The following ATAD2B variants were observed in gnomAD, a reference collection of about 807,000 sequenced individuals.
ATAD2B encodes ATPase family AAA domain containing 2B, also known as ATPase family AAA domain-containing protein 2B.
In ATAD2B, 40 loss-of-function variants were observed where a neutral mutation model predicts 167.6. That is an observed-to-expected ratio of 0.24 (90% CI 0.19 to 0.31). The LOEUF is 0.31. Ranked by LOEUF, ATAD2B falls within the 10% of genes least tolerant of loss-of-function variation. The pLI, the probability that ATAD2B is intolerant of heterozygous loss-of-function variation, is 1.00. For synonymous variants in ATAD2B, 579 were observed against 596.5 expected, an observed-to-expected ratio of 0.97 and a Z score of 0.43; for missense variants, 1,242 against 1,757.2, an observed-to-expected ratio of 0.71 and a Z score of 5.24.
chr2:23,766,487 AGTTATTATGGCTCATT>A (rs1558501856), intron 22 of ATAD2B, among the ~76,000 whole-genome samples: 1 of 152,218 alleles, frequency 6.6e-6, no homozygotes, highest in Non-Finnish European at 1.5e-5. Context: ...CTGATTTGAA[AGTTATTATGGCTCATT>A]GTGGTAATCT....
the ATAD2B span, among the ~76,000 whole-genome samples, chr2:23,708,875 T>C: frequency 6.6e-6 from 1 of 152,196 alleles, no homozygotes; most frequent in Admixed American, 6.5e-5. Context: ...CTTATTACAC[T>C]TGTGCAACTG....
chr2:23,696,317 C>T, the ATAD2B span: 1 of 1,551,014 alleles, frequency 6.4e-7, no homozygotes, highest in South Asian at 1.2e-5. The surrounding 1 kb of genome is among the most constrained non-coding windows in gnomAD (Gnocchi z 5.5). Context: ...CTCTCTGCCT[C>T]CCACACTGCC....
intron 4 of ATAD2B, among the ~76,000 whole-genome samples, chr2:23,886,704 G>A (rs1206586594): frequency 6.6e-6 from 1 of 152,102 alleles, no homozygotes; most frequent in African/African-American, 2.4e-5. Flanking sequence ...GGCAGAGGCA[G>A]GCGGATCACG....
At chr2:23,920,003 T>C (rs1007397538) in intron 1 of ATAD2B, among the ~76,000 whole-genome samples, 2 of 151,662 alleles carry the variant, frequency 1.3e-5, no homozygotes, top group Non-Finnish European at 2.9e-5. Flanking sequence ...ATACAAAAAT[T>C]AGCCAGACGT....
At chr2:23,719,492 A>T in the ATAD2B span, among the ~76,000 whole-genome samples, 1 of 152,120 alleles carries the variant, frequency 6.6e-6, no homozygotes, top group South Asian at 2.1e-4. Context: ...AAACAAATAT[A>T]CAGTGCCAAG....
intron 16 of ATAD2B, among the ~76,000 whole-genome samples, chr2:23,820,123 C>G (rs184552296): frequency 6.1e-4 from 93 of 151,940 alleles, no homozygotes; most frequent in Non-Finnish European, 1.0e-3. Flanking sequence ...GAAGAACTCA[C>G]TGACTGGCTT....
intron 20 of ATAD2B, 35 bp downstream of exon 20, chr2:23,788,477 C>G: frequency 6.2e-7 from 1 of 1,602,504 alleles, no homozygotes; most frequent in Non-Finnish European, 8.5e-7. Flanking sequence ...TTAACTCCAT[C>G]CCTCCCATTT....
chr2:23,812,118 T>C (rs987638106), intron 17 of ATAD2B, among the ~76,000 whole-genome samples: 1 of 151,760 alleles, frequency 6.6e-6, no homozygotes, highest in Admixed American at 6.6e-5. Flanking sequence ...ATGGAACTAA[T>C]AGAAAGCAAA....
chr2:23,777,352 A>ATCTATG (rs1369957534), intron 22 of ATAD2B, among the ~76,000 whole-genome samples: 3 of 148,448 alleles, frequency 2.0e-5, no homozygotes, highest in African/African-American at 7.4e-5. Flanking sequence ...ATACTGATAT[A>ATCTATG]TCTATATCTA....
chr2:23,822,711 T>G (rs1332551461), intron 16 of ATAD2B, among the ~76,000 whole-genome samples: 1 of 150,786 alleles, frequency 6.6e-6, no homozygotes, highest in Non-Finnish European at 1.5e-5. Context: ...AGGTCAGAAG[T>G]TGGAAACCAG....
intron 8 of ATAD2B, among the ~76,000 whole-genome samples, chr2:23,874,143 C>T (rs1460782589): frequency 2.6e-5 from 4 of 151,510 alleles, no homozygotes; most frequent in South Asian, 2.1e-4. Context: ...GCCGAGATCA[C>T]GTCACTGCAC....
intron 15 of ATAD2B, among the ~76,000 whole-genome samples, chr2:23,824,283 G>GA (rs1687913272): frequency 6.6e-6 from 1 of 152,004 alleles, no homozygotes; most frequent in Non-Finnish European, 1.5e-5. Context: ...ACTTTCTTTA[G>GA]AAAAAAGTTT....
intron 22 of ATAD2B, among the ~76,000 whole-genome samples, chr2:23,772,292 T>G (rs1203216984): frequency 3.9e-5 from 6 of 152,182 alleles, no homozygotes. Flanking sequence ...GGATGTGCCT[T>G]AATTTTTCAA....
intron 25 of ATAD2B, among the ~76,000 whole-genome samples, chr2:23,755,533 T>TA (rs1675849709): frequency 1.3e-5 from 2 of 152,076 alleles, no homozygotes; most frequent in African/African-American, 4.8e-5. Context: ...GGACTACTCT[T>TA]AAGAGGAGGA....
intron 24 of ATAD2B, among the ~76,000 whole-genome samples, chr2:23,760,733 T>C (rs533600415): frequency 0.026 from 3,280 of 124,878 alleles, 42 homozygotes; most frequent in Non-Finnish European, 0.038. Flanking sequence ...CACACACATA[T>C]ACACACACAC....
intron 14 of ATAD2B, among the ~76,000 whole-genome samples, chr2:23,831,788 T>C (rs1689114901): frequency 6.6e-6 from 1 of 152,236 alleles, no homozygotes; most frequent in South Asian, 2.1e-4. Flanking sequence ...TTTTTGCCTA[T>C]TGAGGACATC....
intron 2 of ATAD2B, among the ~76,000 whole-genome samples, chr2:23,893,652 T>TA (rs1214283502): frequency 2.9e-3 from 225 of 78,076 alleles, no homozygotes; most frequent in Middle Eastern, 8.5e-3. Flanking sequence ...ATGAATAAAC[T>TA]AAAAAAAAAA....
intron 22 of ATAD2B, among the ~76,000 whole-genome samples, chr2:23,780,988 A>ATT (rs201728848): frequency 6.6e-6 from 1 of 151,420 alleles, no homozygotes; most frequent in Admixed American, 6.6e-5. Context: ...AATAAGAAGC[A>ATT]TTTTTTTTTA....
intron 1 of ATAD2B, among the ~76,000 whole-genome samples, chr2:23,918,104 C>G (rs947245456): frequency 6.6e-6 from 1 of 151,096 alleles, no homozygotes; most frequent in Non-Finnish European, 1.5e-5. Context: ...CAGTAGCTCA[C>G]TCCTGTAATC....
Sources: gnomAD v4.1 joint callset for allele counts (sites outside exome capture counted in the v4.1 genomes callset) on GRCh38, gnomAD v4.1.1 for gene constraint, Gnocchi (gnomAD v3.1) non-coding constraint, MANE v1.5 for transcripts, NCBI Gene and HGNC (gene_info 2026-07-23, HGNC 2026-07-21) for gene names.